Variants in RAB18 observed in about 807,000 individuals in gnomAD.
The protein encoded by RAB18 is RAB18, member RAS oncogene family.
RAB18 carries 10 observed loss-of-function variants against 28.5 expected under a neutral mutation model. The ratio of observed to expected loss-of-function variants is 0.35; its 90% CI spans 0.22 to 0.60. The LOEUF (loss-of-function observed/expected upper bound fraction) is 0.60. Among genes scored for constraint, RAB18 ranks in the 20% least tolerant of loss-of-function variants. RAB18 has a pLI of 0.78. For missense variants in RAB18, 188 were observed against 244.2 expected, an observed-to-expected ratio of 0.77 and a Z score of 1.53; for synonymous variants, 93 against 86.9, an observed-to-expected ratio of 1.07 and a Z score of -0.39.
chr10:27,520,319 G>A (rs1281594056), intron 2 of RAB18, among the ~76,000 whole-genome samples: 1 of 151,218 alleles, frequency 6.6e-6, no homozygotes, highest in Non-Finnish European at 1.5e-5. Context: ...TGTAAAATTG[G>A]TAGTAATGAC....
intron 1 of RAB18, among the ~76,000 whole-genome samples, 169 bp from the exon 2 acceptor site, chr10:27,509,706 A>T (rs1834286975): frequency 6.6e-6 from 1 of 152,138 alleles, no homozygotes; most frequent in Admixed American, 6.6e-5. Flanking sequence ...CCTTTCTGGT[A>T]ATTTAATTTT....
In RAB18 at chr10:27,510,199, A is replaced by G. The variant is rs758847272; in HGVS notation, c.124+269A>G. On this transcript the variant is annotated intron_variant, in intron 2 of 6. Transcript: ENST00000356940. ...TTATCTGTACACACATTTCTCTCCT[A>G]TACTATGGATTGTCTTTTATTTTGT... The G allele has an allele frequency of 6.2e-6, 3 of 483,842 alleles. No homozygotes were observed. The South Asian group carries it at 6.5e-5, about 11-fold the overall frequency. 30.0% of individuals were successfully genotyped at this position (483,842 alleles called of 1,614,324 possible).
intron 2 of RAB18, among the ~76,000 whole-genome samples, chr10:27,524,226 A>C (rs2132394220): frequency 6.6e-6 from 1 of 152,320 alleles, no homozygotes; most frequent in Middle Eastern, 3.4e-3. Context: ...CACTGTGCCC[A>C]GCCCATTTTC....
At chr10:27,509,345 C>A (rs1440732470) in intron 1 of RAB18, among the ~76,000 whole-genome samples, 1 of 152,152 alleles carries the variant, frequency 6.6e-6, no homozygotes, top group East Asian at 1.9e-4. Context: ...TGTGATCTTT[C>A]TTTTAACCTC....
intron 2 of RAB18, among the ~76,000 whole-genome samples, chr10:27,524,895 G>C (rs1834640823): frequency 6.6e-6 from 1 of 152,158 alleles, no homozygotes; most frequent in Non-Finnish European, 1.5e-5. Context: ...GGACTTTAGG[G>C]GTCTGGATTT....
intron 2 of RAB18, among the ~76,000 whole-genome samples, chr10:27,520,864 C>A (rs1387691299): frequency 4.3e-5 from 6 of 138,866 alleles, no homozygotes; most frequent in African/African-American, 1.6e-4. Flanking sequence ...TTGCAGTGAG[C>A]CGGTATCGCA....
At chr10:27,529,597 C>G (rs1317728657) in intron 3 of RAB18, among the ~76,000 whole-genome samples, 2 of 151,870 alleles carry the variant, frequency 1.3e-5, no homozygotes, top group Non-Finnish European at 2.9e-5. Context: ...TAGATCTTTC[C>G]TAGCCCTGAG....
chr10:27,506,129 T>C (rs570952064), intron 1 of RAB18, among the ~76,000 whole-genome samples: 7 of 152,308 alleles, frequency 4.6e-5, no homozygotes, highest in South Asian at 2.1e-4. Flanking sequence ...CCTTGAGATA[T>C]CGTTCTCATT....
chr10:27,538,776 A>C lies in RAB18; in HGVS notation c.*725A>C. The C allele has an allele frequency of 2.2e-6, 1 of 454,106 alleles. No individual in the cohort carries two copies. Among genetic ancestry groups the C allele is most frequent in the African/African-American group, 2.0e-5 (1 of 50,126 alleles). The allele number at this position is 454,106 out of a possible 1,614,324, so 28.1% of individuals were successfully genotyped here. On this transcript the variant is annotated 3_prime_UTR_variant, in exon 7 of 7. Transcript: ENST00000356940. ...GTTATGTGGTGTTTGGCAGAATGAC[A>C]ATAAGGTTTTCCCCCATTTTGGTTT... is the stretch of plus-strand genomic sequence containing the variant.
intron 2 of RAB18, among the ~76,000 whole-genome samples, chr10:27,517,466 T>C (rs533003174): frequency 6.6e-6 from 1 of 152,316 alleles, no homozygotes; most frequent in Admixed American, 6.5e-5. Flanking sequence ...GCATAGGGAA[T>C]TGGACTAACA....
At chr10:27,517,226 G>A (rs539338359) in intron 2 of RAB18, among the ~76,000 whole-genome samples, 1 of 152,182 alleles carries the variant, frequency 6.6e-6, no homozygotes, top group African/African-American at 2.4e-5. Flanking sequence ...AGCCAGGCAT[G>A]GTGGCTCACA....
intron 6 of RAB18, among the ~76,000 whole-genome samples, chr10:27,536,034 A>G (rs1834890385): frequency 6.6e-6 from 1 of 151,496 alleles, no homozygotes; most frequent in African/African-American, 2.4e-5. Context: ...AGTGAGCGAG[A>G]TCACGCCACT....
chr10:27,504,702 G>C (rs1323716561), intron 1 of RAB18: 1 of 696,976 alleles, frequency 1.4e-6, no homozygotes. Flanking sequence ...ACACCATTCC[G>C]AGGGCCGCCG....
chr10:27,537,000 T>C (rs1429986920), intron 6 of RAB18, among the ~76,000 whole-genome samples: 1 of 152,152 alleles, frequency 6.6e-6, no homozygotes, highest in African/African-American at 2.4e-5. Context: ...TTTAATAGGA[T>C]GGAAAATAAT....
chr10:27,527,877 G>T (rs915837886), intron 3 of RAB18, among the ~76,000 whole-genome samples: 1 of 152,058 alleles, frequency 6.6e-6, no homozygotes, highest in Non-Finnish European at 1.5e-5. Context: ...TTGTGTAAGT[G>T]TGTTTAATGT....
chr10:27,540,489 A>C lies in RAB18; in HGVS notation c.*2438A>C, dbSNP rs1180913599. The C allele has an allele frequency of 4.4e-6, 2 of 454,046 alleles. No individual in the cohort carries two copies. Among genetic ancestry groups the C allele is most frequent in the Non-Finnish European group, 4.4e-6 (1 of 226,758 alleles). The allele number at this position is 454,046 out of a possible 1,614,324, so 28.1% of individuals were successfully genotyped here. On this transcript the variant is annotated 3_prime_UTR_variant, in exon 7 of 7. Coordinates refer to ENST00000356940, the MANE Select transcript of RAB18 (RefSeq NM_021252.5). ...ACTATTTCTTTATCACTCTTTTGTT[A>C]TATGTAATAGAAGTATTTCACACTT...
intron 6 of RAB18, among the ~76,000 whole-genome samples, chr10:27,536,873 C>T (rs997612235): frequency 2.6e-5 from 4 of 152,052 alleles, no homozygotes; most frequent in South Asian, 4.2e-4. Context: ...GAAGAAAGAA[C>T]GTGAGATAAG....
At chr10:27,534,821 T>A (rs1488218497) in intron 6 of RAB18, among the ~76,000 whole-genome samples, 1 of 152,228 alleles carries the variant, frequency 6.6e-6, no homozygotes, top group Non-Finnish European at 1.5e-5. Flanking sequence ...TTGAGAGGAC[T>A]TCATATATAG....
rs930548570 is a variant in RAB18, at chr10:27,541,920, G to GGGCA, written c.*3869_*3870insGGCA. On this transcript the variant is annotated 3_prime_UTR_variant, in exon 7 of 7. Coordinates refer to ENST00000356940, the MANE Select transcript of RAB18 (RefSeq NM_021252.5). The stretch of plus-strand genomic sequence containing the variant: ...AGATTAACCCAGTTACCTTTTAGCA[G>GGGCA]TGCCCCACTTCCCCAGTAGCAATGG... The GGGCA allele has an allele frequency of 1.1e-5, 5 of 452,862 alleles. No individual in the cohort carries two copies. Among genetic ancestry groups the GGGCA allele is most frequent in the Non-Finnish European group, 2.2e-5 (5 of 226,608 alleles). The allele number at this position is 452,862 out of a possible 1,614,324, so 28.1% of individuals were successfully genotyped here.
Sources: allele counts gnomAD v4.1 joint callset (sites outside exome capture counted in the v4.1 genomes callset), GRCh38; gene constraint gnomAD v4.1.1; transcripts MANE v1.5; gene names NCBI Gene and HGNC (gene_info 2026-07-23, HGNC 2026-07-21).